ABL1: variants seen among roughly 807,000 people sequenced by gnomAD.
The protein encoded by ABL1 is tyrosine-protein kinase ABL1.
Under a neutral mutation model 94.7 loss-of-function variants are expected in ABL1, and 11 were observed. The observed-to-expected ratio is 0.12, with a 90% CI of 0.07 to 0.19. The LOEUF is 0.19. Ranked by LOEUF, ABL1 falls within the 10% of genes least tolerant of loss-of-function variation. ABL1 has a pLI of 1.00. For synonymous variants in ABL1, 656 were observed against 622.4 expected (o/e 1.05, Z -0.80); for missense variants, 1,082 against 1,489.4 (o/e 0.73, Z 4.50).
At chr9:130,750,028 T>A (rs375281172) in intron 1 of ABL1, among the ~76,000 whole-genome samples, 9 of 149,016 alleles carry the variant, frequency 6.0e-5, no homozygotes, top group South Asian at 2.1e-4. Flanking sequence ...GAAAAAAAAA[T>A]AAATTATCCA....
At chr9:130,781,910 T>C (rs1564288472) in intron 1 of ABL1, among the ~76,000 whole-genome samples, 1 of 152,304 alleles carries the variant, frequency 6.6e-6, no homozygotes, top group East Asian at 1.9e-4. Flanking sequence ...GGAATACATA[T>C]TCAGTTATGA....
At position 130,748,963 on chromosome 9, in the gene ABL1, C is replaced by A. The variant is rs371851918; in HGVS notation, c.136+34508C>A. On this transcript the variant is annotated intron_variant, in intron 1 of 10. Transcript: ENST00000372348. Reference sequence around the variant, plus strand: ...TCTTTTTAAATGAAAAATTTGTTATCCCTCCCAGCCCTCAGCCATGACCCG... The same window carrying A: ...TCTTTTTAAATGAAAAATTTGTTATACCTCCCAGCCCTCAGCCATGACCCG... 2.4e-4 allele frequency among the ~76,000 whole-genome samples: 37 copies of A among 152,196 alleles called. No individual in the cohort carries two copies. In the East Asian group the frequency reaches 5.2e-3, roughly 21 times the overall value.
chr9:130,802,537 A>G (rs1034722477), intron 1 of ABL1, among the ~76,000 whole-genome samples: 2 of 152,140 alleles, frequency 1.3e-5, no homozygotes, highest in African/African-American at 4.8e-5. Context: ...TTTCAGTTCT[A>G]GAATTGCCAT....
At chr9:130,831,580 C>A (rs1830495470), upstream of ABL1, among the ~76,000 whole-genome samples, 1 of 152,120 alleles carries the variant, frequency 6.6e-6, no homozygotes, top group Non-Finnish European at 1.5e-5. Context: ...ATAAGCAACT[C>A]TTCCCTCTTC....
intron 8 of ABL1, among the ~76,000 whole-genome samples, chr9:130,879,333 TCTCTCC>T (rs1384582799): frequency 2.6e-5 from 4 of 152,354 alleles, no homozygotes; most frequent in East Asian, 3.9e-4. Context: ...TATATTCAGA[TCTCTCC>T]CTCTCCCTAC....
chr9:130,820,250 G>A (rs1440637489), intron 1 of ABL1, among the ~76,000 whole-genome samples: 1 of 152,072 alleles, frequency 6.6e-6, no homozygotes, highest in African/African-American at 2.4e-5. Context: ...GAACTGTACT[G>A]CCCATAAGAT....
intron 1 of ABL1, among the ~76,000 whole-genome samples, chr9:130,760,943 C>CTTTTTTTTTTTTTTTTTT (rs35842480): frequency 1.2e-5 from 1 of 85,262 alleles, no homozygotes; most frequent in Non-Finnish European, 2.0e-5. Flanking sequence ...CCCGCCCCTG[C>CTTTTTTTTTTTTTTTTTT]TTTTTTTTTT....
intron 1 of ABL1, among the ~76,000 whole-genome samples, chr9:130,761,913 C>T (rs1013272977): frequency 6.6e-6 from 1 of 152,068 alleles, no homozygotes; most frequent in Non-Finnish European, 1.5e-5. Flanking sequence ...GAGGCCGAGG[C>T]GGGTGGATCA....
chr9:130,879,038 C>T (rs893007913), intron 8 of ABL1, among the ~76,000 whole-genome samples: 11 of 152,162 alleles, frequency 7.2e-5, no homozygotes, highest in Admixed American at 6.5e-4. Context: ...CCACCACGCC[C>T]GGCTAATTTT....
At chr9:130,882,286 C>T (rs766303587) in intron 10 of ABL1, among the ~76,000 whole-genome samples, 1 of 152,144 alleles carries the variant, frequency 6.6e-6, no homozygotes, top group Non-Finnish European at 1.5e-5. Flanking sequence ...CAATTAACTG[C>T]TCAGTGCTGA....
chr9:130,754,091 A>C (rs1305238463), intron 1 of ABL1, among the ~76,000 whole-genome samples: 1 of 151,294 alleles, frequency 6.6e-6, no homozygotes, highest in Non-Finnish European at 1.5e-5. Flanking sequence ...CTATAATCTC[A>C]GCTACTTGGG....
chr9:130,776,862 G>C (rs1829665602), intron 1 of ABL1, among the ~76,000 whole-genome samples: 2 of 152,118 alleles, frequency 1.3e-5, no homozygotes, highest in African/African-American at 4.8e-5. Flanking sequence ...AGAGCGCTGG[G>C]GATACAGGTG....
intron 1 of ABL1, among the ~76,000 whole-genome samples, chr9:130,844,956 G>A (rs966244655): frequency 6.6e-6 from 1 of 152,206 alleles, no homozygotes; most frequent in Non-Finnish European, 1.5e-5. Context: ...TCCCATCAGA[G>A]GACATGGAGC....
In ABL1 at chr9:130,884,976, A is replaced by C; in HGVS notation, c.2686A>C (p.Lys896Gln). 6.2e-7 allele frequency: 1 copy of C among 1,610,866 alleles called. No homozygotes were observed. The highest frequency in any genetic ancestry group is 8.5e-7 in the Non-Finnish European group (1 of 1,179,320). Residue 896 changes from lysine to glutamine, a missense_variant, in exon 11 of 11, where the codon AAA becomes CAA. This residue lies in a region of ABL1 where 780 missense variants were observed against 835.8 expected (regional missense o/e 0.93). Coordinates refer to ENST00000318560, the MANE Select transcript of ABL1 (RefSeq NM_005157.6). The surrounding 1 kb of genome is among the most constrained non-coding windows in gnomAD (Gnocchi z 5.6). The part of the protein sequence containing the change: ...GRDKGKLSRL[K>Q]PAPPPPPAAS... ...GGACAAGGGGAAATTGTCCAGGCTC[A>C]AACCTGCCCCGCCGCCCCCACCAGC...
intron 1 of ABL1, among the ~76,000 whole-genome samples, chr9:130,785,987 T>C (rs986907975): frequency 1.3e-5 from 2 of 149,310 alleles, no homozygotes; most frequent in African/African-American, 4.9e-5. Context: ...GTGGAGGTTA[T>C]TGAGTGATGG....
At position 130,835,595 on chromosome 9, in the gene ABL1, G is replaced by T. The variant is rs1830561493; in HGVS notation, c.79+70G>T. The T allele has an allele frequency of 8.0e-6, 11 of 1,367,740 alleles. No homozygotes were observed. The East Asian group carries it at 1.8e-4, about 22-fold the overall frequency. 84.7% of individuals were successfully genotyped at this position (1,367,740 alleles called of 1,614,324 possible). On this transcript the variant is annotated intron_variant, in intron 1 of 10. Coordinates refer to ENST00000318560, the MANE Select transcript of ABL1 (RefSeq NM_005157.6). This position sits in a 1 kb window ranked among gnomAD's most constrained non-coding sequence, Gnocchi z 4.6. The stretch of plus-strand genomic sequence containing the variant: ...CCCGCTGCTGCTGGGCCCTTCCTAG[G>T]CCTCGCCGCCCGCGCGCTCCCGCCT...
At chr9:130,785,330 T>A (rs1829812137) in intron 1 of ABL1, among the ~76,000 whole-genome samples, 1 of 152,152 alleles carries the variant, frequency 6.6e-6, no homozygotes, top group Non-Finnish European at 1.5e-5. Flanking sequence ...ACACACACCC[T>A]GCAGGGAGTT....
chr9:130,800,928 C>CT (rs5900906), intron 1 of ABL1, among the ~76,000 whole-genome samples: 91 of 128,772 alleles, frequency 7.1e-4, no homozygotes, highest in African/African-American at 1.0e-3. Context: ...TTTTTCTTTC[C>CT]TTTTTTTTTT....
At chr9:130,747,077 C>T (rs560327786) in intron 1 of ABL1, among the ~76,000 whole-genome samples, 3 of 152,208 alleles carry the variant, frequency 2.0e-5, no homozygotes, top group Non-Finnish European at 4.4e-5. Flanking sequence ...ATCAAGTCTC[C>T]CTCAGGCTGG....
Sources: gnomAD v4.1 joint callset for allele counts (sites outside exome capture counted in the v4.1 genomes callset) on GRCh38, gnomAD v4.1.1 for gene constraint, gnomAD v4.1.1 regional missense constraint, Gnocchi (gnomAD v3.1) non-coding constraint, MANE v1.5 for transcripts, NCBI Gene and HGNC (gene_info 2026-07-23, HGNC 2026-07-21) for gene names.